MED28: variants seen among roughly 807,000 people sequenced by gnomAD.
The protein encoded by MED28 is mediator complex subunit 28, also known as mediator of RNA polymerase II transcription subunit 28.
MED28 carries 26 observed loss-of-function variants against 21.3 expected under a neutral mutation model. The ratio of observed to expected loss-of-function variants is 1.22; its 90% CI spans 0.89 to 1.69. The LOEUF (loss-of-function observed/expected upper bound fraction) is 1.69. MED28 is among the 40% of genes most tolerant of loss of function. The probability of loss-of-function intolerance (pLI) is 0.00; values close to 1 mark genes in which losing one functional copy is unlikely to be tolerated. For missense variants in MED28, 257 were observed against 215.4 expected (o/e 1.19, Z -1.21); for synonymous variants, 110 against 87.6 (o/e 1.26, Z -1.43).
intron 2 of MED28, among the ~76,000 whole-genome samples, chr4:17,621,155 A>C (rs1560157758): frequency 6.6e-6 from 1 of 151,650 alleles, no homozygotes; most frequent in Non-Finnish European, 1.5e-5. Flanking sequence ...GCTGGATTAC[A>C]GGCATGTTCC....
chr4:17,623,750 C>A lies in MED28; in HGVS notation c.489C>A (p.Tyr163Ter). ...ACATCCCTCAGGGCTCCTTGGCCTA[C>A]CTGGAGCAGGCATCTGCCAACATCC... ...PADIPQGSLA[Y>*]LEQASANIPA... The change falls in exon 4 of 4, where the codon TAC becomes TAA. Residue 163 changes from tyrosine to a stop codon, truncating the protein, a stop_gained. Transcript: ENST00000237380. LOFTEE classifies it high-confidence loss of function. The A allele has an allele frequency of 6.2e-7, 1 of 1,614,170 alleles. No individual in the cohort carries two copies. Among genetic ancestry groups the A allele is most frequent in the South Asian group, 1.1e-5 (1 of 91,078 alleles).
intron 2 of MED28, among the ~76,000 whole-genome samples, chr4:17,620,695 T>G (rs1259977577): frequency 3.8e-5 from 1 of 26,608 alleles, no homozygotes; most frequent in Non-Finnish European, 9.8e-5. Flanking sequence ...ATTGTCTCTT[T>G]TTTTTTTTTT....
intron 1 of MED28, among the ~76,000 whole-genome samples, chr4:17,616,060 A>G (rs1714441682): frequency 6.6e-6 from 1 of 151,996 alleles, no homozygotes; most frequent in Admixed American, 6.5e-5. Context: ...TCCCGGGTTC[A>G]AGCGATTTTC....
chr4:17,624,011 A>C lies in MED28; in HGVS notation c.*213A>C. On this transcript the variant is annotated 3_prime_UTR_variant, in exon 4 of 4. Coordinates refer to ENST00000237380, the MANE Select transcript of MED28 (RefSeq NM_025205.5). The stretch of plus-strand genomic sequence containing the variant: ...TGTCTGTAGCTTGGATAAACCAAGT[A>C]AGTATTTTTTTTTTGTCTTTAGCAA... 1.8e-6 allele frequency: 1 copy of C among 568,904 alleles called. No individual in the cohort carries two copies. The highest frequency in any genetic ancestry group is 3.1e-6 in the Non-Finnish European group (1 of 321,776). 35.2% of individuals were successfully genotyped at this position (568,904 alleles called of 1,614,324 possible).
chr4:17,622,774 TC>T (rs962668186), intron 3 of MED28, among the ~76,000 whole-genome samples: 3 of 152,176 alleles, frequency 2.0e-5, no homozygotes, highest in African/African-American at 7.2e-5. Flanking sequence ...GACTTACAGT[TC>T]CATGTGGCTG....
At chr4:17,615,227 CT>C (rs1249913985) in intron 1 of MED28, among the ~76,000 whole-genome samples, 1 of 152,154 alleles carries the variant, frequency 6.6e-6, no homozygotes, top group African/African-American at 2.4e-5. Flanking sequence ...TAAAGGGACT[CT>C]TAAGAGCGGA....
chr4:17,632,633 CA>C lies in MED28; in HGVS notation c.*8842del. On this transcript the variant is annotated 3_prime_UTR_variant, in exon 4 of 4. Coordinates refer to ENST00000237380, the MANE Select transcript of MED28 (RefSeq NM_025205.5). ...GTTTCACCATCTGGGGTCCTAAAAG[CA>C]AAAAAAGGTTTTTTTATATGGTTTT... 1 of 1,527,460 alleles carries C rather than the reference CA, an allele frequency of 6.5e-7. No individual in the cohort carries two copies. The highest frequency in any genetic ancestry group is 1.2e-5 in the South Asian group (1 of 82,754). 94.6% of individuals were successfully genotyped at this position (1,527,460 alleles called of 1,614,324 possible). A position where few individuals can be genotyped will look rare whatever the true frequency, so the allele number is the denominator to read the frequency against.
chr4:17,627,119 C>G lies in MED28; in HGVS notation c.*3321C>G. ...GCTGTCAGGTGCACACCACTACACC[C>G]AGATAATTTTGTATTTTTAGTAGAG... On this transcript the variant is annotated 3_prime_UTR_variant, in exon 4 of 4. Transcript: ENST00000237380. The G allele has an allele frequency of 6.6e-6, 1 of 152,136 alleles. No homozygotes were observed. The highest frequency in any genetic ancestry group is 1.9e-4 in the East Asian group (1 of 5,174). The allele number at this position is 152,136 out of a possible 1,614,324, so 9.4% of individuals were successfully genotyped here.
chr4:17,618,013 C>CTTTTTTTTTTTTTTTTTTTTT (rs529883796), intron 1 of MED28, among the ~76,000 whole-genome samples: 1 of 117,918 alleles, frequency 8.5e-6, no homozygotes, highest in Non-Finnish European at 1.7e-5. Flanking sequence ...CTTTTCTTTT[C>CTTTTTTTTTTTTTTTTTTTTT]TTTTTTTTTT....
At chr4:17,616,434 T>C (rs1344634689) in intron 1 of MED28, among the ~76,000 whole-genome samples, 1 of 152,200 alleles carries the variant, frequency 6.6e-6, no homozygotes, top group African/African-American at 2.4e-5. Flanking sequence ...GTACAAGTCT[T>C]AGCCAAAGTT....
chr4:17,614,814 G>T lies in MED28; in HGVS notation c.159+1G>T, dbSNP rs770496502. The T allele has an allele frequency of 1.7e-5, 28 of 1,601,882 alleles. No individual in the cohort carries two copies. The highest frequency in any genetic ancestry group is 2.3e-5 in the Non-Finnish European group (27 of 1,174,998). On this transcript the variant is annotated splice_donor_variant, in intron 1 of 3. Coordinates refer to ENST00000237380, the MANE Select transcript of MED28 (RefSeq NM_025205.5). LOFTEE classifies it high-confidence loss of function. Reference sequence around the variant, plus strand: ...GGACGAGTTGGAGTCATCTTTCGAGGTAATATAAGACATGGGCGTCTTTGT... The same window carrying T: ...GGACGAGTTGGAGTCATCTTTCGAGTTAATATAAGACATGGGCGTCTTTGT...
At position 17,631,806 on chromosome 4, in the gene MED28, T is replaced by A. The variant is rs1714952412; in HGVS notation, c.*8008T>A. 6.6e-6 allele frequency: 1 copy of A among 152,166 alleles called. No homozygotes were observed. The highest frequency in any genetic ancestry group is 1.5e-5 in the Non-Finnish European group (1 of 68,040). The allele number at this position is 152,166 out of a possible 1,614,324, so 9.4% of individuals were successfully genotyped here. A position where few individuals can be genotyped will look rare whatever the true frequency, so the allele number is the denominator to read the frequency against. ...ACTGTTATTTGTCTTCCTATTGAGG[T>A]TAGATGTGCATTTTGGAATTGCATC... On this transcript the variant is annotated 3_prime_UTR_variant, in exon 4 of 4. Transcript: ENST00000237380.
In MED28 at chr4:17,626,728, G is replaced by C. The variant is rs531054810; in HGVS notation, c.*2930G>C. On this transcript the variant is annotated 3_prime_UTR_variant, in exon 4 of 4. Transcript: ENST00000237380. ...GCTCTGTTGCCCAGGCTGTAGTGCAGTGGCACAACGGGGTCCCACAGGCAA... is the reference window on the plus strand; with the variant it reads ...GCTCTGTTGCCCAGGCTGTAGTGCACTGGCACAACGGGGTCCCACAGGCAA... 1 of 152,228 alleles carries C rather than the reference G, an allele frequency of 6.6e-6. No homozygotes were observed. The highest frequency in any genetic ancestry group is 1.9e-4 in the East Asian group (1 of 5,158). 9.4% of individuals were successfully genotyped at this position (152,228 alleles called of 1,614,324 possible).
chr4:17,632,559 T>A lies in MED28; in HGVS notation c.*8761T>A. The A allele has an allele frequency of 1.3e-6, 2 of 1,551,262 alleles. No homozygotes were observed. Among genetic ancestry groups the A allele is most frequent in the Non-Finnish European group, 1.7e-6 (2 of 1,146,672 alleles). On this transcript the variant is annotated 3_prime_UTR_variant, in exon 4 of 4. Coordinates refer to ENST00000237380, the MANE Select transcript of MED28 (RefSeq NM_025205.5). ...AGAAAGAAAAGTACTTGGTGAACCATTCCTGGTGCGGAGAGCCCTGTTTCT... is the reference window on the plus strand; with the variant it reads ...AGAAAGAAAAGTACTTGGTGAACCAATCCTGGTGCGGAGAGCCCTGTTTCT...
At position 17,615,086 on chromosome 4, in the gene MED28, C is replaced by T. The variant is rs532854618; in HGVS notation, c.159+273C>T. Among the ~76,000 whole-genome samples the T allele has an allele frequency of 2.6e-5, 4 of 152,346 alleles. No homozygotes were observed. In the South Asian group the frequency reaches 8.3e-4, roughly 32 times the overall value. ...AACCCTTCCAGATTCCCAGCCGGTCCTTAGTCTCATCCCCGAGCACCGTTT... is the reference window on the plus strand; with the variant it reads ...AACCCTTCCAGATTCCCAGCCGGTCTTTAGTCTCATCCCCGAGCACCGTTT... On this transcript the variant is annotated intron_variant, in intron 1 of 3. Transcript: ENST00000237380.
Position 17,625,577 on chromosome 4 carries a change from T to G in MED28, c.*1779T>G, listed in dbSNP as rs1714753215. 2.4e-6 allele frequency: 1 copy of G among 424,286 alleles called. No individual in the cohort carries two copies. The highest frequency in any genetic ancestry group is 4.7e-6 in the Non-Finnish European group (1 of 213,790). 26.3% of individuals were successfully genotyped at this position (424,286 alleles called of 1,614,324 possible). ...TGAAAAGATTTTGAATTACTGTACG[T>G]ACCAGTTGTTGCCATTTCTTTATTA... On this transcript the variant is annotated 3_prime_UTR_variant, in exon 4 of 4. Transcript: ENST00000237380.
rs1360727050 is a variant in MED28, at chr4:17,624,585, GGTGAGCT to G, written c.*793_*799del. 1.3e-5 allele frequency: 2 copies of G among 152,118 alleles called. No homozygotes were observed. Among genetic ancestry groups the G allele is most frequent in the Non-Finnish European group, 2.9e-5 (2 of 68,040 alleles). The allele number at this position is 152,118 out of a possible 1,614,324, so 9.4% of individuals were successfully genotyped here. ...TCAGTAGCATGACAGTGGGGTCATA[GGTGAGCT>G]GTGAGGGGCTAAATCTTGCTCTGAT... On this transcript the variant is annotated 3_prime_UTR_variant, in exon 4 of 4. Transcript: ENST00000237380.
At chr4:17,619,300 T>A (rs920127378) in intron 1 of MED28, among the ~76,000 whole-genome samples, 4 of 152,232 alleles carry the variant, frequency 2.6e-5, no homozygotes, top group African/African-American at 9.6e-5. Flanking sequence ...GTCAGTAATA[T>A]GTGTTATTAA....
At position 17,614,641 on chromosome 4, in the gene MED28, G is replaced by A. The variant is rs766148527; in HGVS notation, c.-14G>A. 5 of 1,604,726 alleles carry A rather than the reference G, an allele frequency of 3.1e-6. No homozygotes were observed. Among genetic ancestry groups the A allele is most frequent in the African/African-American group, 1.3e-5 (1 of 74,486 alleles). On this transcript the variant is annotated 5_prime_UTR_variant, in exon 1 of 4. Coordinates refer to ENST00000237380, the MANE Select transcript of MED28 (RefSeq NM_025205.5). ...CGCGCAGGCGCAGTGGATCTCTCTT[G>A]CGCCATTCCAAACATGGCGGCTCCA...
Sources: gnomAD v4.1 joint callset for allele counts (sites outside exome capture counted in the v4.1 genomes callset) on GRCh38, gnomAD v4.1.1 for gene constraint, MANE v1.5 for transcripts, NCBI Gene and HGNC (gene_info 2026-07-23, HGNC 2026-07-21) for gene names.